Variants in DOCK1 observed in about 807,000 individuals in gnomAD.
DOCK1 encodes the protein dedicator of cytokinesis protein 1.
A neutral mutation model predicts 262.7 loss-of-function variants in DOCK1; 138 were observed. The observed-to-expected ratio is 0.53, with a 90% CI of 0.46 to 0.61. The LOEUF (loss-of-function observed/expected upper bound fraction) is 0.61. Among genes scored for constraint, DOCK1 ranks in the 20% least tolerant of loss-of-function variants. The pLI is 0.00. For missense variants in DOCK1, 1,908 were observed against 2,370.7 expected (o/e 0.80, Z 4.05); for synonymous variants, 866 against 867.4 (o/e 1.00, Z 0.03).
intron 27 of DOCK1, among the ~76,000 whole-genome samples, chr10:127,128,819 C>T (rs1008131481): frequency 3.3e-5 from 5 of 152,092 alleles, no homozygotes; most frequent in African/African-American, 1.2e-4. Context: ...GCACTGTTTA[C>T]AATAGCAAAG....
intron 1 of DOCK1, among the ~76,000 whole-genome samples, chr10:126,954,948 A>T (rs1416311591): frequency 6.6e-6 from 1 of 152,152 alleles, no homozygotes; most frequent in East Asian, 1.9e-4. Context: ...GCCTGATCAT[A>T]TAGTAGTTGT....
Position 127,026,409 on chromosome 10 carries a change from A to G in DOCK1, c.1609A>G (p.Arg537Gly). ...RSHLRFTFRH[R>G]SSQDSKDKSE... ...TCACCTTCGGTTTACCTTCCGCCAC[A>G]GGTCATCACAGGACTGTGAGTAGTC... Residue 537 changes from arginine (R) to glycine (G), a missense_variant, in exon 16 of 52, where the codon AGG becomes GGG. Physicochemically the swap from Arg to Gly is moderately radical, Grantham distance 125 (BLOSUM62 -2). Transcript: ENST00000623213. 6.3e-7 allele frequency: 1 copy of G among 1,578,926 alleles called. No homozygotes were observed. The highest frequency in any genetic ancestry group is 8.6e-7 in the Non-Finnish European group (1 of 1,161,028).
chr10:127,451,381 A>G lies in DOCK1; in HGVS notation c.5615A>G (p.Lys1872Arg). The change falls in exon 52 of 52, where the codon AAG (lysine) becomes AGG (arginine). Residue 1872 changes from lysine to arginine, a missense_variant. Lys to Arg is a conservative substitution (Grantham distance 26). Transcript: ENST00000623213. ...PSKTPPPPPP[K>R]TTRKQASVDS... ...AAAACTCCGCCTCCTCCCCCTCCAA[A>G]GACAACTCGCAAGCAGGCATCGGTG... 6.2e-7 allele frequency: 1 copy of G among 1,600,426 alleles called. No homozygotes were observed. Among genetic ancestry groups the G allele is most frequent in the South Asian group, 1.1e-5 (1 of 88,042 alleles).
chr10:127,138,997 C>G (rs1368091409), intron 27 of DOCK1, among the ~76,000 whole-genome samples: 3 of 152,146 alleles, frequency 2.0e-5, no homozygotes, highest in Non-Finnish European at 4.4e-5. Context: ...TTGAGGAGTT[C>G]TGCTTCCCTT....
chr10:127,417,164 T>C (rs2068206485), intron 44 of DOCK1, among the ~76,000 whole-genome samples: 2 of 152,228 alleles, frequency 1.3e-5, no homozygotes, highest in Admixed American at 6.5e-5. Context: ...CTCTTGGGCA[T>C]GGGTGGGGGC....
At chr10:127,397,002 C>T (rs56036743) in intron 38 of DOCK1, among the ~76,000 whole-genome samples, 10,842 of 53,960 alleles carry the variant, frequency 0.2, 42 homozygotes, top group Middle Eastern at 0.27. Context: ...ACACGGGCAG[C>T]GACTCCTATG....
intron 1 of DOCK1, among the ~76,000 whole-genome samples, chr10:126,952,300 T>C (rs2036321405): frequency 6.6e-6 from 1 of 151,642 alleles, no homozygotes; most frequent in South Asian, 2.1e-4. Flanking sequence ...GTGATGGTGG[T>C]GGTGGCAGTA....
At chr10:127,171,425 C>G (rs905987380) in intron 27 of DOCK1, among the ~76,000 whole-genome samples, 1 of 152,160 alleles carries the variant, frequency 6.6e-6, no homozygotes, top group Non-Finnish European at 1.5e-5. Context: ...TACTGGCTTC[C>G]CAAGGAGCAG....
At chr10:127,007,176 C>T (rs2041096245) in intron 10 of DOCK1, among the ~76,000 whole-genome samples, 1 of 152,066 alleles carries the variant, frequency 6.6e-6, no homozygotes. Context: ...GCCGTGGGCT[C>T]CTGGCTCTTT....
intron 35 of DOCK1, among the ~76,000 whole-genome samples, chr10:127,375,100 A>G (rs2065416777): frequency 6.6e-6 from 1 of 151,972 alleles, no homozygotes; most frequent in South Asian, 2.1e-4. Flanking sequence ...TTCTGTGGAC[A>G]CCCCCTTCCT....
At chr10:127,172,888 C>T (rs1055274958) in intron 27 of DOCK1, among the ~76,000 whole-genome samples, 4 of 152,180 alleles carry the variant, frequency 2.6e-5, no homozygotes, top group Non-Finnish European at 5.9e-5. Flanking sequence ...CGTAGCTGCA[C>T]TGTCTTATGT....
At chr10:127,408,052 GA>G (rs879559985) in intron 40 of DOCK1, among the ~76,000 whole-genome samples, 3 of 152,008 alleles carry the variant, frequency 2.0e-5, no homozygotes, top group Non-Finnish European at 4.4e-5. Flanking sequence ...TTGAAATCGG[GA>G]AAAAAACGGA....
chr10:127,412,290 A>G (rs1215105325), intron 43 of DOCK1, among the ~76,000 whole-genome samples: 1 of 152,000 alleles, frequency 6.6e-6, no homozygotes, highest in African/African-American at 2.4e-5. Flanking sequence ...TCTACATACA[A>G]ACTGCTTTCA....
intron 1 of DOCK1, among the ~76,000 whole-genome samples, chr10:126,921,339 T>C (rs186565363): frequency 6.6e-6 from 1 of 152,272 alleles, no homozygotes; most frequent in Admixed American, 6.5e-5. Flanking sequence ...GGTATGTCCC[T>C]ATAATGGAAT....
At chr10:127,071,924 T>C (rs983680956) in intron 23 of DOCK1, among the ~76,000 whole-genome samples, 7 of 152,326 alleles carry the variant, frequency 4.6e-5, no homozygotes, top group African/African-American at 1.7e-4. Flanking sequence ...TTGCTTGCCA[T>C]CCCTCCTGCC....
Position 127,211,494 on chromosome 10 carries a change from C to T in DOCK1, c.2848-36514C>T, listed in dbSNP as rs565372071. 5.3e-4 allele frequency among the ~76,000 whole-genome samples: 80 copies of T among 152,282 alleles called. 2 individuals are homozygous for T. The highest frequency in any genetic ancestry group is 1.9e-3 in the African/African-American group (77 of 41,556). On this transcript the variant is annotated intron_variant, in intron 27 of 51. Transcript: ENST00000623213. ...TGTTAGTGAATTTGGGGTCTTGAGA[C>T]GTCATCTGATGAGGACCTGCTGTTT...
intron 40 of DOCK1, among the ~76,000 whole-genome samples, chr10:127,406,127 G>A (rs3179786): frequency 2.6e-4 from 40 of 152,190 alleles, no homozygotes; most frequent in South Asian, 6.2e-4. Context: ...GCCTTGTGCA[G>A]TGCTTGGTGT....
intron 18 of DOCK1, among the ~76,000 whole-genome samples, chr10:127,033,181 A>G (rs1398614926): frequency 6.6e-6 from 1 of 152,104 alleles, no homozygotes; most frequent in Non-Finnish European, 1.5e-5. Flanking sequence ...GATAATTACT[A>G]GTTATCTTTA....
At chr10:127,249,223 T>C (rs934507102) in intron 28 of DOCK1, among the ~76,000 whole-genome samples, 6 of 152,150 alleles carry the variant, frequency 3.9e-5, no homozygotes, top group Admixed American at 3.3e-4. Flanking sequence ...TTCAAAGGAT[T>C]ATTTCTAATA....
Sources: gnomAD v4.1 joint callset for allele counts (sites outside exome capture counted in the v4.1 genomes callset) on GRCh38, gnomAD v4.1.1 for gene constraint, MANE v1.5 for transcripts, NCBI Gene and HGNC (gene_info 2026-07-23, HGNC 2026-07-21) for gene names.